LEKR1: variants seen among roughly 807,000 people sequenced by gnomAD.
The protein encoded by LEKR1 is protein LEKR1.
In LEKR1, 59 loss-of-function variants were observed where a neutral mutation model predicts 72.4. The ratio of observed to expected loss-of-function variants is 0.82; its 90% confidence interval spans 0.66 to 1.01. The LOEUF is 1.01. Ranked by LOEUF, LEKR1 falls within the 50% of genes least tolerant of loss-of-function variation. The pLI is 0.00. For synonymous variants in LEKR1, 257 were observed against 263.2 expected, an observed-to-expected ratio of 0.98 and a Z score of 0.23; for missense variants, 728 against 759.2, an observed-to-expected ratio of 0.96 and a Z score of 0.48.
chr3:156,836,014 C>T (rs1713093269), intron 2 of LEKR1, among the ~76,000 whole-genome samples: 1 of 151,650 alleles, frequency 6.6e-6, no homozygotes, highest in African/African-American at 2.4e-5. Context: ...GCTGGGATTA[C>T]AGGCATGTAC....
chr3:156,945,506 T>C (rs1448184488), intron 6 of LEKR1, among the ~76,000 whole-genome samples: 3 of 151,808 alleles, frequency 2.0e-5, no homozygotes, highest in Admixed American at 1.3e-4. Context: ...TGTGGGGTAT[T>C]ACTCAAGAAA....
At chr3:157,024,522 A>G (rs1362062451) in intron 10 of LEKR1, among the ~76,000 whole-genome samples, 2 of 152,208 alleles carry the variant, frequency 1.3e-5, no homozygotes, top group African/African-American at 4.8e-5. Flanking sequence ...ACTGTCATAT[A>G]GTTGTAACTC....
At chr3:156,859,942 G>T (rs1323093625) in intron 3 of LEKR1, among the ~76,000 whole-genome samples, 1 of 152,154 alleles carries the variant, frequency 6.6e-6, no homozygotes, top group African/African-American at 2.4e-5. Flanking sequence ...GTCTATGGCT[G>T]TTGGTGGTTC....
chr3:156,935,097 T>C (rs1725574701), intron 5 of LEKR1, among the ~76,000 whole-genome samples: 1 of 152,182 alleles, frequency 6.6e-6, no homozygotes, highest in Non-Finnish European at 1.5e-5. Context: ...TTGCAAGTGT[T>C]ACATTTTATA....
chr3:156,958,482 T>G (rs1727844761), intron 6 of LEKR1, among the ~76,000 whole-genome samples: 1 of 152,072 alleles, frequency 6.6e-6, no homozygotes, highest in Non-Finnish European at 1.5e-5. Context: ...ACTTTCCTGA[T>G]TTTCCCACCT....
intron 12 of LEKR1, among the ~76,000 whole-genome samples, chr3:157,031,838 T>C (rs781741680): frequency 1.3e-5 from 2 of 152,100 alleles, no homozygotes; most frequent in South Asian, 4.1e-4. Flanking sequence ...ATGAAGAAAG[T>C]TCTCAAGGAT....
At chr3:156,918,403 T>C (rs1007389687) in intron 3 of LEKR1, among the ~76,000 whole-genome samples, 1 of 152,158 alleles carries the variant, frequency 6.6e-6, no homozygotes, top group African/African-American at 2.4e-5. Flanking sequence ...TTTAAGGAAA[T>C]TGGCTTAAAA....
At chr3:156,922,917 G>C (rs1019739462) in intron 4 of LEKR1, among the ~76,000 whole-genome samples, 1 of 152,080 alleles carries the variant, frequency 6.6e-6, no homozygotes, top group African/African-American at 2.4e-5. Flanking sequence ...TTGAAATAAA[G>C]AGTACTTATC....
At chr3:156,955,749 A>G (rs4234315) in intron 6 of LEKR1, among the ~76,000 whole-genome samples, 132,026 of 151,978 alleles carry the variant, frequency 0.87, 57,657 homozygotes, top group African/African-American at 0.96. Flanking sequence ...CAGTTTGCCA[A>G]TATTTAATGA....
intron 5 of LEKR1, among the ~76,000 whole-genome samples, chr3:156,930,545 T>C (rs1041014279): frequency 6.6e-6 from 1 of 152,120 alleles, no homozygotes; most frequent in Non-Finnish European, 1.5e-5. Context: ...ATGTATATTA[T>C]AATTTCTAGA....
chr3:156,922,888 T>C (rs1009276413), intron 4 of LEKR1, among the ~76,000 whole-genome samples: 2 of 152,218 alleles, frequency 1.3e-5, no homozygotes, highest in African/African-American at 2.4e-5. Flanking sequence ...ATTACTATTG[T>C]GAATCTTTTA....
intron 12 of LEKR1, among the ~76,000 whole-genome samples, chr3:157,037,921 A>G (rs1227148381): frequency 3.9e-5 from 6 of 152,192 alleles, no homozygotes; most frequent in African/African-American, 1.2e-4. Flanking sequence ...AGAAGCCACA[A>G]GGAAGTCAGC....
At chr3:157,041,367 G>T (rs1735326656) in intron 12 of LEKR1, among the ~76,000 whole-genome samples, 1 of 152,230 alleles carries the variant, frequency 6.6e-6, no homozygotes, top group South Asian at 2.1e-4. Context: ...AGCTGGCAAA[G>T]GGATCTTCCT....
intron 3 of LEKR1, chr3:156,888,217 A>T (rs1188446193): frequency 1.2e-5 from 8 of 675,772 alleles, no homozygotes; most frequent in Non-Finnish European, 2.2e-5. Flanking sequence ...AAAGTAAAGT[A>T]AAGCAGTTGG....
intron 10 of LEKR1, among the ~76,000 whole-genome samples, chr3:157,018,960 AT>A (rs959662146): frequency 6.6e-6 from 1 of 152,138 alleles, no homozygotes; most frequent in African/African-American, 2.4e-5. Flanking sequence ...CTTAGCATTC[AT>A]TTTTTAACTG....
chr3:156,994,169 G>T (rs562979513), intron 9 of LEKR1, among the ~76,000 whole-genome samples: 79 of 152,068 alleles, frequency 5.2e-4, no homozygotes, highest in Admixed American at 7.2e-4. Flanking sequence ...TTTATTTTAT[G>T]AATATAATTT....
At chr3:156,913,405 G>A (rs1050976373) in intron 3 of LEKR1, among the ~76,000 whole-genome samples, 2 of 152,124 alleles carry the variant, frequency 1.3e-5, no homozygotes, top group African/African-American at 4.8e-5. Context: ...AAATGGGATT[G>A]TGTTGCTAAT....
chr3:156,908,860 C>A (rs1288903774), intron 3 of LEKR1, among the ~76,000 whole-genome samples: 2 of 152,092 alleles, frequency 1.3e-5, no homozygotes, highest in Non-Finnish European at 2.9e-5. Context: ...GAATTTAAGG[C>A]CATGCATTTA....
chr3:156,940,094 AT>A (rs1460723769), intron 5 of LEKR1, among the ~76,000 whole-genome samples: 93 of 152,282 alleles, frequency 6.1e-4, no homozygotes, highest in African/African-American at 2.2e-3. Context: ...CTAGTGGTAT[AT>A]TAAAAACGAT....
Sources: allele counts gnomAD v4.1 joint callset (sites outside exome capture counted in the v4.1 genomes callset), GRCh38; gene constraint gnomAD v4.1.1; transcripts MANE v1.5; gene names NCBI Gene and HGNC (gene_info 2026-07-23, HGNC 2026-07-21).